The following GPC5 variants were observed in gnomAD, a reference collection of about 807,000 sequenced individuals.
GPC5 encodes glypican-5.
A neutral mutation model predicts 53.9 loss-of-function variants in GPC5; 47 were observed. That is an observed-to-expected ratio of 0.87 (90% confidence interval 0.69 to 1.11). GPC5 has a LOEUF of 1.11. Among genes scored for constraint, GPC5 ranks in the 50% most tolerant of loss-of-function variants. GPC5 has a pLI of 0.00. For missense variants in GPC5, 748 were observed against 713.1 expected, an observed-to-expected ratio of 1.05 and a Z score of -0.56; for synonymous variants, 286 against 263.3, an observed-to-expected ratio of 1.09 and a Z score of -0.84.
intron 7 of GPC5, among the ~76,000 whole-genome samples, chr13:92,224,903 T>C (rs1424271378): frequency 6.6e-6 from 1 of 152,210 alleles, no homozygotes; most frequent in Non-Finnish European, 1.5e-5. Flanking sequence ...TTTGTTGCAG[T>C]AATATATCAT....
At chr13:92,199,715 C>A (rs4771854) in intron 7 of GPC5, among the ~76,000 whole-genome samples, 126,645 of 152,148 alleles carry the variant, frequency 0.83, 52,997 homozygotes, top group East Asian at 0.99. Context: ...TGTCTTCTGT[C>A]CACGCAAGAG....
chr13:91,701,644 G>T (rs559562895), intron 3 of GPC5, among the ~76,000 whole-genome samples: 8 of 151,494 alleles, frequency 5.3e-5, no homozygotes, highest in African/African-American at 1.5e-4. Context: ...TGTTTCATTG[G>T]CTGTGCAGAA....
chr13:92,825,851 T>G lies in GPC5; in HGVS notation c.1562-40431T>G, dbSNP rs138931421. Among the ~76,000 whole-genome samples, 888 of 152,294 alleles carry G rather than the reference T, an allele frequency of 5.8e-3. 7 individuals carry two copies. Among genetic ancestry groups the G allele is most frequent in the Middle Eastern group, 0.01 (3 of 294 alleles). ...GATTGCATTCTGTTTCATACCCTTT[T>G]TACTCAATGCTGTGTTTTTCATACT... On this transcript the variant is annotated intron_variant, in intron 7 of 7. Transcript: ENST00000377067.
intron 2 of GPC5, among the ~76,000 whole-genome samples, chr13:91,584,729 A>C (rs2032496155): frequency 6.6e-6 from 1 of 151,918 alleles, no homozygotes; most frequent in Admixed American, 6.6e-5. Context: ...ACAGGTGCCC[A>C]CCACCATGCC....
intron 7 of GPC5, among the ~76,000 whole-genome samples, chr13:92,164,489 C>T (rs2042012947): frequency 6.6e-6 from 1 of 152,228 alleles, no homozygotes; most frequent in Non-Finnish European, 1.5e-5. Flanking sequence ...CCATCTCTCA[C>T]ATCCAGGTCA....
chr13:92,425,590 A>G (rs1876795901), intron 7 of GPC5, among the ~76,000 whole-genome samples: 1 of 152,036 alleles, frequency 6.6e-6, no homozygotes, highest in African/African-American at 2.4e-5. Flanking sequence ...TCCAGAGCCT[A>G]TGTCCTTCCT....
At chr13:92,789,039 G>A (rs1249075177) in intron 7 of GPC5, among the ~76,000 whole-genome samples, 1 of 152,180 alleles carries the variant, frequency 6.6e-6, no homozygotes, top group Non-Finnish European at 1.5e-5. Flanking sequence ...GGCCAGCGGG[G>A]TTTCCCACAG....
chr13:91,976,615 G>A (rs909524981), intron 6 of GPC5, among the ~76,000 whole-genome samples: 13 of 152,210 alleles, frequency 8.5e-5, no homozygotes, highest in African/African-American at 9.6e-5. Flanking sequence ...ATTATGACAC[G>A]TGAAGAGTCT....
intron 5 of GPC5, among the ~76,000 whole-genome samples, chr13:91,901,866 T>C (rs1054295945): frequency 7.2e-5 from 11 of 151,890 alleles, no homozygotes; most frequent in Admixed American, 1.3e-4. Flanking sequence ...CATAACCAGG[T>C]CATACAAGAA....
At chr13:91,504,780 A>G (rs1350091085) in intron 2 of GPC5, among the ~76,000 whole-genome samples, 1 of 151,906 alleles carries the variant, frequency 6.6e-6, no homozygotes, top group Non-Finnish European at 1.5e-5. Context: ...CAACATAGTG[A>G]GACCCATCTC....
At position 91,800,369 on chromosome 13, in the gene GPC5, G is replaced by A. The variant is rs557565532; in HGVS notation, c.1280+43949G>A. On this transcript the variant is annotated intron_variant, in intron 5 of 7. Coordinates refer to ENST00000377067, the MANE Select transcript of GPC5 (RefSeq NM_004466.6). ...CTCTCTCATCTAGTTTTCCTATTGT[G>A]TCTTTCCACATAAAGAAACATGCAC... 3.3e-5 allele frequency among the ~76,000 whole-genome samples: 5 copies of A among 152,038 alleles called. No homozygotes were observed. The East Asian group carries it at 9.7e-4, about 29-fold the overall frequency.
intron 7 of GPC5, among the ~76,000 whole-genome samples, chr13:92,464,161 G>A (rs1042370390): frequency 1.3e-5 from 2 of 152,154 alleles, no homozygotes; most frequent in Non-Finnish European, 2.9e-5. Flanking sequence ...TGACTGGAGA[G>A]ACCAGGACAT....
chr13:91,823,595 T>C (rs917436480), intron 5 of GPC5, among the ~76,000 whole-genome samples: 11 of 152,118 alleles, frequency 7.2e-5, no homozygotes, highest in African/African-American at 2.4e-4. Flanking sequence ...GGATTTACCT[T>C]CTTCACATCT....
chr13:92,434,565 A>T (rs1877226202), intron 7 of GPC5, among the ~76,000 whole-genome samples: 1 of 152,196 alleles, frequency 6.6e-6, no homozygotes, highest in Non-Finnish European at 1.5e-5. Context: ...CAAGTTTATT[A>T]CATCTCGTGA....
chr13:92,579,243 C>T (rs950460525), intron 7 of GPC5, among the ~76,000 whole-genome samples: 2 of 23,740 alleles, frequency 8.4e-5, no homozygotes, highest in African/African-American at 5.5e-4. Context: ...TTTATGCTCT[C>T]TCCCTCCCTC....
At chr13:92,134,627 C>A (rs1309127525) in intron 6 of GPC5, among the ~76,000 whole-genome samples, 1 of 152,118 alleles carries the variant, frequency 6.6e-6, no homozygotes, top group East Asian at 1.9e-4. Context: ...GCTTAGAATG[C>A]CCCTGGATTT....
At chr13:91,834,533 G>T (rs1019697255) in intron 5 of GPC5, among the ~76,000 whole-genome samples, 1 of 152,042 alleles carries the variant, frequency 6.6e-6, no homozygotes, top group Admixed American at 6.5e-5. Context: ...GCATGGTACT[G>T]GTACTAAAAC....
At chr13:91,814,941 A>C (rs1476860829) in intron 5 of GPC5, among the ~76,000 whole-genome samples, 2 of 152,226 alleles carry the variant, frequency 1.3e-5, no homozygotes, top group Non-Finnish European at 2.9e-5. Context: ...AACAGTATAG[A>C]CATAACTTGC....
intron 7 of GPC5, among the ~76,000 whole-genome samples, chr13:92,311,128 T>C (rs1006623474): frequency 6.6e-6 from 1 of 152,174 alleles, no homozygotes; most frequent in African/African-American, 2.4e-5. Context: ...AAGTTATAAA[T>C]TCATAAATCT....
Sources: allele counts gnomAD v4.1 joint callset (sites outside exome capture counted in the v4.1 genomes callset), GRCh38; gene constraint gnomAD v4.1.1; transcripts MANE v1.5; gene names NCBI Gene and HGNC (gene_info 2026-07-23, HGNC 2026-07-21).